TDRD12: variants seen among roughly 807,000 people sequenced by gnomAD.
TDRD12 encodes putative ATP-dependent RNA helicase TDRD12.
TDRD12 carries 158 observed loss-of-function variants against 133.5 expected under a neutral mutation model. The observed-to-expected ratio is 1.18, with a 90% CI of 1.04 to 1.35. TDRD12 has a LOEUF of 1.35. Ranked by LOEUF, TDRD12 falls within the 40% of genes most tolerant of loss-of-function variation. The probability of loss-of-function intolerance (pLI) is 0.00; values close to 1 mark genes in which losing one functional copy is unlikely to be tolerated. For missense variants in TDRD12, 1,443 were observed against 1,321.3 expected (o/e 1.09, Z -1.43); for synonymous variants, 460 against 477.9 (o/e 0.96, Z 0.49).
chr19:32,797,581 T>C (rs557434631), intron 14 of TDRD12, among the ~76,000 whole-genome samples, 154 bp from the exon 15 acceptor site: 37 of 152,324 alleles, frequency 2.4e-4, no homozygotes, highest in African/African-American at 7.9e-4. Context: ...TCTGTTTTAA[T>C]GAAATTATAT....
At chr19:32,793,182 C>A (rs1971120106) in intron 13 of TDRD12, among the ~76,000 whole-genome samples, 1 of 92,860 alleles carries the variant, frequency 1.1e-5, no homozygotes, top group Admixed American at 9.4e-5. Flanking sequence ...GAGACTCTGT[C>A]TACAATAATA....
intron 1 of TDRD12, among the ~76,000 whole-genome samples, chr19:32,722,264 C>T (rs1406515609): frequency 2.0e-5 from 3 of 152,162 alleles, no homozygotes; most frequent in Non-Finnish European, 4.4e-5. Context: ...CATCCTGAAA[C>T]ATGCACAACC....
At chr19:32,781,222 G>A (rs1166010457) in intron 11 of TDRD12, among the ~76,000 whole-genome samples, 3 of 152,142 alleles carry the variant, frequency 2.0e-5, no homozygotes, top group East Asian at 1.9e-4. Flanking sequence ...GATTACAGGC[G>A]TGAGCCACCG....
At chr19:32,817,677 C>T (rs1324433295) in intron 26 of TDRD12, among the ~76,000 whole-genome samples, 1 of 151,670 alleles carries the variant, frequency 6.6e-6, no homozygotes, top group Non-Finnish European at 1.5e-5. Flanking sequence ...TGGGGAACCT[C>T]CATCCAGGTT....
chr19:32,796,695 G>A (rs751150749), intron 14 of TDRD12, among the ~76,000 whole-genome samples: 8 of 152,172 alleles, frequency 5.3e-5, no homozygotes, highest in Admixed American at 1.3e-4. Context: ...AGCAACTGAT[G>A]AGAAGTCGCT....
rs1755370464 is a variant in TDRD12, at chr19:32,819,300, G to A, written c.3383+1143G>A. Among the ~76,000 whole-genome samples, 3 of 137,242 alleles carry A rather than the reference G, an allele frequency of 2.2e-5. No individual in the cohort carries two copies. In the South Asian group the frequency reaches 7.1e-4, roughly 32 times the overall value. 90.0% of individuals were successfully genotyped at this position (137,242 alleles called of 152,430 possible). A position where few individuals can be genotyped will look rare whatever the true frequency, so the allele number is the denominator to read the frequency against. Reference sequence around the variant, plus strand: ...CCACTGCACTCCAGCCTGGGTGACAGCAAGACCTTGTCTCAAAAAAAAAAA... The same window carrying A: ...CCACTGCACTCCAGCCTGGGTGACAACAAGACCTTGTCTCAAAAAAAAAAA... On this transcript the variant is annotated intron_variant, in intron 27 of 27. Transcript: ENST00000444215.
At chr19:32,823,869 G>A (rs923466928), downstream of TDRD12, among the ~76,000 whole-genome samples, 3 of 152,206 alleles carry the variant, frequency 2.0e-5, no homozygotes, top group African/African-American at 7.2e-5. Flanking sequence ...CTGCACTGTC[G>A]CAGGCCCTGC....
intron 13 of TDRD12, 74 bp from the exon 14 acceptor site, chr19:32,794,554 A>G: frequency 1.5e-6 from 1 of 657,400 alleles, no homozygotes; most frequent in Admixed American, 2.3e-5. Flanking sequence ...TTTTGGGGTG[A>G]AATGAGCCAT....
At position 32,790,561 on chromosome 19, in the gene TDRD12, G is replaced by C; in HGVS notation, c.1152G>C (p.Leu384Phe). 6.4e-7 allele frequency: 1 copy of C among 1,551,908 alleles called. No homozygotes were observed. Among genetic ancestry groups the C allele is most frequent in the Non-Finnish European group, 8.7e-7 (1 of 1,147,056 alleles). ...TGCAGTTTTTAAATCCTGATCCTTT[G>C]AGAGCTGACGGAATCTCTGATCTCC... The change falls in exon 12 of 28, where the codon TTG (leucine) becomes TTC (phenylalanine). Residue 384 changes from leucine (L) to phenylalanine (F), a missense_variant. By Grantham distance (22) the Leu-to-Phe change is conservative. Transcript: ENST00000444215.
intron 11 of TDRD12, among the ~76,000 whole-genome samples, chr19:32,782,041 A>G (rs1307032978): frequency 6.6e-6 from 1 of 151,974 alleles, no homozygotes; most frequent in Non-Finnish European, 1.5e-5. Context: ...ATAAGTGTAC[A>G]TGTGCCATGG....
At chr19:32,819,211 G>A (rs1311474400) in intron 27 of TDRD12, among the ~76,000 whole-genome samples, 1 of 151,796 alleles carries the variant, frequency 6.6e-6, no homozygotes, top group East Asian at 1.9e-4. Flanking sequence ...TAGCTACTTG[G>A]GACACTGAGG....
At chr19:32,790,438 C>A in intron 11 of TDRD12, 93 bp from the exon 12 acceptor site, 1 of 1,269,528 alleles carries the variant, frequency 7.9e-7, no homozygotes, top group Non-Finnish European at 1.1e-6. Flanking sequence ...CTGTGCAGCC[C>A]CTGCTATCTC....
In TDRD12 at chr19:32,773,081, A is replaced by G. The variant is rs556270966; in HGVS notation, c.963+231A>G. Among the ~76,000 whole-genome samples the G allele has an allele frequency of 3.3e-5, 5 of 152,350 alleles. No homozygotes were observed. In the South Asian group the frequency reaches 1.0e-3, roughly 32 times the overall value. ...TTGTTCTCGGCCTAGTTTTCTTTCT[A>G]CAAAATTGGATATTGATCCTCCTTT... is the stretch of plus-strand genomic sequence containing the variant. On this transcript the variant is annotated intron_variant, in intron 9 of 27. Transcript: ENST00000444215.
intron 1 of TDRD12, among the ~76,000 whole-genome samples, chr19:32,722,668 AT>A (rs1282646796): frequency 1.4e-5 from 2 of 141,574 alleles, no homozygotes; most frequent in East Asian, 4.5e-4. Flanking sequence ...TCCTTTTATT[AT>A]TTAAAAAAAA....
At chr19:32,791,176 T>C in intron 13 of TDRD12, 108 bp downstream of exon 13, 1 of 1,199,470 alleles carries the variant, frequency 8.3e-7, no homozygotes, top group Non-Finnish European at 1.1e-6. Context: ...TTCTTTGCTT[T>C]TGAAATTCTC....
rs368950505 is a variant in TDRD12 at position 32,750,166 on chromosome 19, G to C, written c.582+297G>C. ...ATTTTTATAAATATACTAATTTGCT[G>C]TAGCGTTAGTTCACTGCCTTTCCCC... On this transcript the variant is annotated intron_variant, in intron 6 of 27. Coordinates refer to ENST00000444215, the Ensembl canonical transcript of TDRD12. Among the ~76,000 whole-genome samples, 36 of 152,248 alleles carry C rather than the reference G, an allele frequency of 2.4e-4. 1 individual carries two copies. The South Asian group carries it at 6.6e-3, about 28-fold the overall frequency.
chr19:32,793,241 G>A (rs1971122180), intron 13 of TDRD12, among the ~76,000 whole-genome samples: 1 of 152,008 alleles, frequency 6.6e-6, no homozygotes, highest in Non-Finnish European at 1.5e-5. Context: ...CCAACCAGAG[G>A]TCCTTACTCA....
At chr19:32,757,603 T>C (rs1184699379) in intron 8 of TDRD12, among the ~76,000 whole-genome samples, 1 of 152,224 alleles carries the variant, frequency 6.6e-6, no homozygotes, top group East Asian at 1.9e-4. Context: ...TCTGTGGTGG[T>C]TCCTCCACCA....
Position 32,720,110 on chromosome 19 carries a change from AGCCAGACCCAC to A in TDRD12, c.24+28_24+38del, listed in dbSNP as rs754265598. ...CTGGTGCTGAAGGTGAGCGCCGCCA[AGCCAGACCCAC>A]GCCAGACCCACGCAGTCCCCCACCC... On this transcript the variant is annotated intron_variant, in intron 1 of 27. Transcript: ENST00000444215. 477 of 1,546,936 alleles carry A rather than the reference AGCCAGACCCAC, an allele frequency of 3.1e-4. No individual in the cohort carries two copies. The highest frequency in any genetic ancestry group is 3.8e-4 in the Non-Finnish European group (438 of 1,145,970).
Sources: gnomAD v4.1 joint callset for allele counts (sites outside exome capture counted in the v4.1 genomes callset) on GRCh38, gnomAD v4.1.1 for gene constraint, MANE v1.5 for transcripts, NCBI Gene and HGNC (gene_info 2026-07-23, HGNC 2026-07-21) for gene names.